The following ACVR2A variants were observed in gnomAD, a reference collection of about 807,000 sequenced individuals.
The protein encoded by ACVR2A is activin A receptor type 2A.
Under a neutral mutation model 61.4 loss-of-function variants are expected in ACVR2A, and 7 were observed. The observed-to-expected ratio is 0.11, with a 90% CI of 0.06 to 0.21. The LOEUF (loss-of-function observed/expected upper bound fraction) is 0.21, where lower values mean the gene tolerates loss of function less well. Ranked by LOEUF, ACVR2A falls within the 10% of genes least tolerant of loss-of-function variation. ACVR2A has a pLI of 1.00. For synonymous variants in ACVR2A, 193 were observed against 208.3 expected, an observed-to-expected ratio of 0.93 and a Z score of 0.63; for missense variants, 322 against 621.7, an observed-to-expected ratio of 0.52 and a Z score of 5.13.
chr2:147,881,338 T>G, intron 1 of ACVR2A, among the ~76,000 whole-genome samples: 1 of 152,186 alleles, frequency 6.6e-6, no homozygotes. Context: ...CAATTTGAAG[T>G]ATATTTCTTC....
intron 6 of ACVR2A, among the ~76,000 whole-genome samples, chr2:147,918,135 A>G (rs1385134741): frequency 6.6e-6 from 1 of 151,234 alleles, no homozygotes; most frequent in Non-Finnish European, 1.5e-5. Flanking sequence ...CTTTTAAAAT[A>G]TTTTCTAGAA....
At chr2:147,867,907 C>G (rs1573920152) in intron 1 of ACVR2A, among the ~76,000 whole-genome samples, 1 of 152,150 alleles carries the variant, frequency 6.6e-6, no homozygotes, top group African/African-American at 2.4e-5. Flanking sequence ...CCTCTACACT[C>G]CGCTGATTTT....
intron 2 of ACVR2A, among the ~76,000 whole-genome samples, chr2:147,898,574 A>T (rs1686799127): frequency 6.6e-6 from 1 of 152,066 alleles, no homozygotes; most frequent in African/African-American, 2.4e-5. Flanking sequence ...TTAAGAATTA[A>T]ATTCTACCTT....
intron 1 of ACVR2A, among the ~76,000 whole-genome samples, chr2:147,845,754 T>TC (rs1685296008): frequency 6.6e-6 from 1 of 152,196 alleles, no homozygotes; most frequent in Non-Finnish European, 1.5e-5. Flanking sequence ...AACTTCAGCG[T>TC]CCAGCAGTGT....
At chr2:147,893,899 T>C (rs1416067700) in intron 1 of ACVR2A, among the ~76,000 whole-genome samples, 2 of 152,110 alleles carry the variant, frequency 1.3e-5, no homozygotes, top group East Asian at 3.8e-4. Flanking sequence ...GGTTCTGTCT[T>C]TTTTGTAGGT....
chr2:147,911,152 C>G (rs1687101245), intron 4 of ACVR2A, among the ~76,000 whole-genome samples: 1 of 152,072 alleles, frequency 6.6e-6, no homozygotes, highest in Admixed American at 6.6e-5. Flanking sequence ...GTCGAGAAGG[C>G]AATTCCAATT....
At chr2:147,869,354 C>T (rs1476451531) in intron 1 of ACVR2A, among the ~76,000 whole-genome samples, 1 of 131,120 alleles carries the variant, frequency 7.6e-6, no homozygotes, top group Admixed American at 7.7e-5. Context: ...GACTATTCTT[C>T]CTTGACGTTT....
intron 4 of ACVR2A, among the ~76,000 whole-genome samples, chr2:147,906,948 C>T (rs1018484040): frequency 3.3e-5 from 5 of 151,674 alleles, no homozygotes; most frequent in Non-Finnish European, 7.4e-5. Flanking sequence ...GGTTTTAAGC[C>T]CCACATGCAT....
chr2:147,859,489 C>CAAAAAAA (rs74267449), intron 1 of ACVR2A, among the ~76,000 whole-genome samples: 2 of 91,480 alleles, frequency 2.2e-5, no homozygotes, highest in Non-Finnish European at 2.4e-5. Flanking sequence ...TCACCACAGA[C>CAAAAAAA]AAAAAAAAAA....
At chr2:147,904,349 C>T (rs1202116160) in intron 4 of ACVR2A, among the ~76,000 whole-genome samples, 1 of 151,886 alleles carries the variant, frequency 6.6e-6, no homozygotes, top group Non-Finnish European at 1.5e-5. Flanking sequence ...GCTTTCATAA[C>T]CATATGTGAG....
intron 1 of ACVR2A, among the ~76,000 whole-genome samples, chr2:147,881,278 G>A (rs989093260): frequency 6.6e-6 from 1 of 152,060 alleles, no homozygotes; most frequent in Non-Finnish European, 1.5e-5. Flanking sequence ...TTTTTTGATA[G>A]TTGATTTTAA....
At chr2:147,877,424 G>C (rs763639149) in intron 1 of ACVR2A, 1 of 152,176 alleles carries the variant, frequency 6.6e-6, no homozygotes, top group Non-Finnish European at 1.5e-5. Flanking sequence ...TAAGCAAGGT[G>C]CTTGCTTTGG....
chr2:147,861,374 C>A (rs1685724357), intron 1 of ACVR2A, among the ~76,000 whole-genome samples: 1 of 152,106 alleles, frequency 6.6e-6, no homozygotes, highest in East Asian at 1.9e-4. Flanking sequence ...TCTAGAACAT[C>A]ATCTGGTGTT....
Position 147,930,109 on chromosome 2 carries a change from A to G in ACVR2A, c.*2835A>G, listed in dbSNP as rs1250591111. The G allele has an allele frequency of 4.6e-5, 7 of 152,448 alleles. No individual in the cohort carries two copies. The highest frequency in any genetic ancestry group is 1.7e-4 in the African/African-American group (7 of 41,418). 9.4% of individuals were successfully genotyped at this position (152,448 alleles called of 1,614,324 possible). On this transcript the variant is annotated 3_prime_UTR_variant, in exon 11 of 11. Transcript: ENST00000241416. ...CCAGAAAAAGAGACTGTGCTTCACG[A>G]TTGTTAGTCCCATGAACTTGCACTA...
intron 1 of ACVR2A, among the ~76,000 whole-genome samples, chr2:147,888,148 T>G (rs1686488911): frequency 6.6e-6 from 1 of 151,480 alleles, no homozygotes; most frequent in African/African-American, 2.4e-5. Flanking sequence ...GATCTCTTTC[T>G]GGGTCCTATA....
chr2:147,920,193 G>A, intron 7 of ACVR2A, 37 bp from the exon 8 acceptor site: 1 of 1,470,474 alleles, frequency 6.8e-7, no homozygotes, highest in Non-Finnish European at 9.5e-7. Flanking sequence ...AAGGTAACTA[G>A]TTTAAACTTA....
At chr2:147,868,189 G>A (rs1310270873) in intron 1 of ACVR2A, among the ~76,000 whole-genome samples, 1 of 152,168 alleles carries the variant, frequency 6.6e-6, no homozygotes, top group African/African-American at 2.4e-5. Context: ...GGAGGTAGTG[G>A]CATTTGTCTG....
chr2:147,846,820 C>G (rs992992713), intron 1 of ACVR2A, among the ~76,000 whole-genome samples: 4 of 152,118 alleles, frequency 2.6e-5, no homozygotes, highest in African/African-American at 7.2e-5. Context: ...CTGGTGAACT[C>G]CTCTTGTTCA....
chr2:147,845,711 A>C (rs1301836730), intron 1 of ACVR2A, among the ~76,000 whole-genome samples: 1 of 152,214 alleles, frequency 6.6e-6, no homozygotes, highest in East Asian at 1.9e-4. Flanking sequence ...TCCTATCAGC[A>C]ATTTAATCTG....
Sources: gnomAD v4.1 joint callset for allele counts (sites outside exome capture counted in the v4.1 genomes callset) on GRCh38, gnomAD v4.1.1 for gene constraint, MANE v1.5 for transcripts, NCBI Gene and HGNC (gene_info 2026-07-23, HGNC 2026-07-21) for gene names.